Variants in DPY19L3 observed in about 807,000 individuals in gnomAD.
The protein encoded by DPY19L3 is protein C-mannosyl-transferase DPY19L3.
DPY19L3 carries 51 observed loss-of-function variants against 92.3 expected under a neutral mutation model. The ratio of observed to expected loss-of-function variants is 0.55; its 90% CI spans 0.44 to 0.70. DPY19L3 has a LOEUF of 0.70. Among genes scored for constraint, DPY19L3 ranks in the 30% least tolerant of loss-of-function variants. DPY19L3 has a pLI of 0.00. For synonymous variants in DPY19L3, 309 were observed against 315.2 expected (o/e 0.98, Z 0.21); for missense variants, 706 against 855.9 (o/e 0.82, Z 2.18).
chr19:32,443,936 A>G (rs2145518516), intron 8 of DPY19L3, among the ~76,000 whole-genome samples: 1 of 152,172 alleles, frequency 6.6e-6, no homozygotes, highest in African/African-American at 2.4e-5. Context: ...TGTGCCTGTA[A>G]TCACAGCTAT....
intron 12 of DPY19L3, among the ~76,000 whole-genome samples, chr19:32,462,199 A>T (rs905654772): frequency 6.6e-6 from 1 of 152,116 alleles, no homozygotes; most frequent in Non-Finnish European, 1.5e-5. Flanking sequence ...GGACATTTAA[A>T]TGTATCTTAC....
chr19:32,411,414 A>C, intron 3 of DPY19L3, 42 bp downstream of exon 3: 1 of 1,609,476 alleles, frequency 6.2e-7, no homozygotes, highest in Non-Finnish European at 8.5e-7. Flanking sequence ...ACTCAGTGGG[A>C]TCTCCAGTAG....
chr19:32,420,107 C>T (rs1968519173), intron 3 of DPY19L3, among the ~76,000 whole-genome samples: 1 of 152,136 alleles, frequency 6.6e-6, no homozygotes, highest in African/African-American at 2.4e-5. Flanking sequence ...ATCCGCCCGC[C>T]TCAGCCTCCC....
rs760296346 is a variant in DPY19L3, at chr19:32,458,529, T to A, written c.1322+20T>A. 2 of 1,588,744 alleles carry A rather than the reference T, an allele frequency of 1.3e-6. No homozygotes were observed. Among genetic ancestry groups the A allele is most frequent in the Admixed American group, 1.9e-5 (1 of 53,544 alleles). ...TCTCAGGTATGGTATATTTCAGAAA[T>A]CTAATGCTCTCCTTTAATGAACTTG... is the stretch of plus-strand genomic sequence containing the variant. On this transcript the variant is annotated intron_variant, in intron 12 of 18. Transcript: ENST00000392250.
intron 8 of DPY19L3, among the ~76,000 whole-genome samples, chr19:32,450,793 T>A (rs1969675506): frequency 6.6e-6 from 1 of 151,922 alleles, no homozygotes; most frequent in Non-Finnish European, 1.5e-5. Flanking sequence ...GAGGTGAGAG[T>A]TGCACAACTC....
At position 32,464,825 on chromosome 19, in the gene DPY19L3, G is replaced by A. The variant is rs77057475; in HGVS notation, c.1614+41G>A. On this transcript the variant is annotated intron_variant, in intron 15 of 18. Transcript: ENST00000392250. ...CTCATTCTTGTCATTCATGTATTTA[G>A]CAGAATAATTGCTTTGATTCAATAT... 442 of 1,335,178 alleles carry A rather than the reference G, an allele frequency of 3.3e-4. No individual in the cohort carries two copies. The African/African-American group carries it at 5.3e-3, about 16-fold the overall frequency. 82.7% of individuals were successfully genotyped at this position (1,335,178 alleles called of 1,614,324 possible). A position where few individuals can be genotyped will look rare whatever the true frequency, so the allele number is the denominator to read the frequency against.
Position 32,439,194 on chromosome 19 carries a change from A to G in DPY19L3, c.679A>G (p.Ile227Val). Reference protein sequence around the residue: ...LPFFAIQIAAITYFLRPNLQP... With the variant: ...LPFFAIQIAAVTYFLRPNLQP... ...ATTCTTTGCAATTCAGATAGCAGCA[A>G]TTACATATTTCCTGAGACCAAACTT... Residue 227 changes from isoleucine to valine, a missense_variant, in exon 7 of 19, where the codon ATT becomes GTT. Coordinates refer to ENST00000392250, the MANE Select transcript of DPY19L3 (RefSeq NM_001172774.2). 6.2e-7 allele frequency: 1 copy of G among 1,613,822 alleles called. No homozygotes were observed. The highest frequency in any genetic ancestry group is 8.5e-7 in the Non-Finnish European group (1 of 1,179,784).
intron 7 of DPY19L3, 83 bp from the exon 8 acceptor site, chr19:32,439,693 A>T: frequency 7.1e-7 from 1 of 1,418,246 alleles, no homozygotes; most frequent in Non-Finnish European, 9.7e-7. Flanking sequence ...TTATAGAGAT[A>T]CTGGCTGCTC....
intron 8 of DPY19L3, among the ~76,000 whole-genome samples, chr19:32,447,325 C>T (rs559521226): frequency 6.6e-6 from 1 of 152,072 alleles, no homozygotes; most frequent in East Asian, 1.9e-4. Flanking sequence ...CAAGCTCTCA[C>T]CTTAAAAAAG....
intron 8 of DPY19L3, among the ~76,000 whole-genome samples, chr19:32,451,488 C>T (rs956566677): frequency 1.3e-5 from 2 of 152,146 alleles, no homozygotes; most frequent in South Asian, 2.1e-4. Flanking sequence ...AGCAAAAGCA[C>T]TGAACTGCTG....
intron 15 of DPY19L3, among the ~76,000 whole-genome samples, chr19:32,466,265 C>G (rs1037695775): frequency 6.6e-6 from 1 of 152,182 alleles, no homozygotes; most frequent in African/African-American, 2.4e-5. Context: ...ACAGCATCAG[C>G]GTCTCTTGGG....
chr19:32,453,073 A>G, intron 8 of DPY19L3, 72 bp from the exon 9 acceptor site: 1 of 1,563,028 alleles, frequency 6.4e-7, no homozygotes, highest in Non-Finnish European at 8.8e-7. Context: ...TATCCACCTC[A>G]TGACCAACAT....
intron 1 of DPY19L3, among the ~76,000 whole-genome samples, chr19:32,406,605 A>G (rs1568318184): frequency 6.6e-6 from 1 of 151,722 alleles, no homozygotes; most frequent in Non-Finnish European, 1.5e-5. Context: ...TCCTGCCTCA[A>G]CCTCCCAAAG....
chr19:32,447,770 T>TAGATAGATAGAC, intron 8 of DPY19L3, among the ~76,000 whole-genome samples: 1 of 143,554 alleles, frequency 7.0e-6, no homozygotes, highest in Non-Finnish European at 1.5e-5. Flanking sequence ...GATAGATAGA[T>TAGATAGATAGAC]AGATAGATTA....
chr19:32,430,388 AAAAT>A (rs942981310), intron 3 of DPY19L3, among the ~76,000 whole-genome samples: 2 of 152,150 alleles, frequency 1.3e-5, no homozygotes, highest in African/African-American at 4.8e-5. Flanking sequence ...TCTCCAAAAA[AAAAT>A]AAATAAATTT....
At chr19:32,457,414 T>C (rs73036023) in intron 10 of DPY19L3, among the ~76,000 whole-genome samples, 23,726 of 152,176 alleles carry the variant, frequency 0.16, 1,881 homozygotes, top group South Asian at 0.17. Flanking sequence ...AAAGACCAGA[T>C]TTGTGGCTCA....
intron 3 of DPY19L3, among the ~76,000 whole-genome samples, chr19:32,413,439 T>C (rs893911688): frequency 6.3e-5 from 7 of 111,760 alleles, no homozygotes; most frequent in Non-Finnish European, 1.2e-4. Flanking sequence ...CAAAGAAGAA[T>C]AATTCTTTTT....
rs866015126 is a variant in DPY19L3, at chr19:32,471,599, C to T, written c.1697+2786C>T. Among the ~76,000 whole-genome samples, 6 of 152,146 alleles carry T rather than the reference C, an allele frequency of 3.9e-5. No individual in the cohort carries two copies. The South Asian group carries it at 6.2e-4, about 16-fold the overall frequency. On this transcript the variant is annotated intron_variant, in intron 16 of 18. Coordinates refer to ENST00000392250, the MANE Select transcript of DPY19L3 (RefSeq NM_001172774.2). The stretch of plus-strand genomic sequence containing the variant: ...TCACACACCTGGAAGTGTCCCGCCC[C>T]GTGTCCTTGCTGCTGGAGTAAGCCA...
intron 15 of DPY19L3, among the ~76,000 whole-genome samples, chr19:32,466,179 A>C (rs1298405042): frequency 6.6e-6 from 1 of 152,148 alleles, no homozygotes; most frequent in Non-Finnish European, 1.5e-5. Context: ...GTTCGTAATA[A>C]AATTGAGGAA....
Sources: allele counts gnomAD v4.1 joint callset (sites outside exome capture counted in the v4.1 genomes callset), GRCh38; gene constraint gnomAD v4.1.1; transcripts MANE v1.5; gene names NCBI Gene and HGNC (gene_info 2026-07-23, HGNC 2026-07-21).